The following PRKG1 variants were observed in gnomAD, a reference collection of about 807,000 sequenced individuals.
PRKG1 encodes the protein protein kinase cGMP-dependent 1, also known as cGMP-dependent protein kinase 1.
In PRKG1, 35 loss-of-function variants were observed where a neutral mutation model predicts 88.1. The ratio of observed to expected loss-of-function variants is 0.40; its 90% confidence interval spans 0.30 to 0.53. The LOEUF is 0.53. Ranked by LOEUF, PRKG1 falls within the 20% of genes least tolerant of loss-of-function variation. The probability of loss-of-function intolerance (pLI) is 0.59; values close to 1 mark genes in which losing one functional copy is unlikely to be tolerated. For synonymous variants in PRKG1, 303 were observed against 292.5 expected (o/e 1.04, Z -0.37); for missense variants, 540 against 839.8 (o/e 0.64, Z 4.41).
intron 1 of PRKG1, among the ~76,000 whole-genome samples, chr10:51,099,407 A>ACACACACACACT (rs1231741967): frequency 6.6e-5 from 10 of 151,892 alleles, no homozygotes; most frequent in Admixed American, 1.3e-4. Context: ...ACACACACAC[A>ACACACACACACT]CACACTCACT....
intron 3 of PRKG1, among the ~76,000 whole-genome samples, chr10:51,719,861 A>G (rs937716930): frequency 1.3e-5 from 2 of 152,204 alleles, no homozygotes; most frequent in African/African-American, 4.8e-5. Flanking sequence ...CTTCTCTGTG[A>G]TGATTAAACT....
At chr10:51,439,844 T>G (rs1564495747) in intron 2 of PRKG1, among the ~76,000 whole-genome samples, 1 of 151,908 alleles carries the variant, frequency 6.6e-6, no homozygotes, top group Non-Finnish European at 1.5e-5. Flanking sequence ...TGTCTAAGGA[T>G]GAGTTAGATG....
intron 16 of PRKG1, 61 bp downstream of exon 16, chr10:52,289,054 T>A: frequency 6.7e-7 from 1 of 1,487,142 alleles, no homozygotes; most frequent in Non-Finnish European, 9.2e-7. Context: ...GTGTTGCTTT[T>A]TAAGTTATTG....
intron 3 of PRKG1, 152 bp from the exon 4 acceptor site, chr10:51,804,433 G>T: frequency 1.7e-6 from 1 of 604,804 alleles, no homozygotes; most frequent in South Asian, 2.1e-5. Context: ...AATGAAATAG[G>T]ATAGCATTGT....
intron 5 of PRKG1, among the ~76,000 whole-genome samples, chr10:52,006,426 A>G (rs138658530): frequency 1.5e-3 from 229 of 152,344 alleles, no homozygotes; most frequent in Admixed American, 4.2e-3. Context: ...AATAGCCATT[A>G]TAAGAAAGAA....
intron 4 of PRKG1, among the ~76,000 whole-genome samples, chr10:51,879,581 C>A (rs1841386115): frequency 6.6e-6 from 1 of 152,196 alleles, no homozygotes; most frequent in African/African-American, 2.4e-5. Context: ...AAGTCTACAT[C>A]TCTCTCAGTG....
chr10:52,111,571 C>T (rs531457904), intron 7 of PRKG1, among the ~76,000 whole-genome samples: 9 of 152,234 alleles, frequency 5.9e-5, no homozygotes, highest in African/African-American at 2.2e-4. Flanking sequence ...TAGATTATGA[C>T]GTATGATCTG....
chr10:51,981,481 G>A, intron 5 of PRKG1, among the ~76,000 whole-genome samples: 1 of 152,076 alleles, frequency 6.6e-6, no homozygotes, highest in Non-Finnish European at 1.5e-5. Context: ...AGCTACTCAG[G>A]AGACTGAAGC....
At chr10:51,374,093 A>AAAATATAT in intron 2 of PRKG1, among the ~76,000 whole-genome samples, 7 of 100,186 alleles carry the variant, frequency 7.0e-5, no homozygotes, top group African/African-American at 1.3e-4. Context: ...AAAAAAAAAA[A>AAAATATAT]ATATATATAT....
At chr10:51,959,852 A>G (rs1843402890) in intron 5 of PRKG1, among the ~76,000 whole-genome samples, 1 of 152,166 alleles carries the variant, frequency 6.6e-6, no homozygotes, top group Admixed American at 6.6e-5. Context: ...TGTGTTCTCT[A>G]AATTCATTTC....
At chr10:51,659,579 G>C (rs1296530874) in intron 3 of PRKG1, among the ~76,000 whole-genome samples, 3 of 152,106 alleles carry the variant, frequency 2.0e-5, no homozygotes, top group African/African-American at 7.2e-5. Context: ...GGAAATTTAG[G>C]AGTATGAGTA....
At chr10:52,140,222 G>A (rs137867870) in intron 8 of PRKG1, among the ~76,000 whole-genome samples, 108 of 152,274 alleles carry the variant, frequency 7.1e-4, no homozygotes, top group African/African-American at 2.2e-3. Context: ...AGGGCTATCC[G>A]TAGTTGTCCT....
rs191931416 is a variant in PRKG1, at chr10:51,991,005, C to A, written c.763-63479C>A. On this transcript the variant is annotated intron_variant, in intron 5 of 17. Transcript: ENST00000373980. ...TTAATTCCATGTCTTTGCTACTTTTCGATTTCTTTCCTCAATATTTAACAC... is the reference window on the plus strand; with the variant it reads ...TTAATTCCATGTCTTTGCTACTTTTAGATTTCTTTCCTCAATATTTAACAC... 9.2e-5 allele frequency among the ~76,000 whole-genome samples: 14 copies of A among 152,120 alleles called. No homozygotes were observed. The East Asian group carries it at 2.5e-3, about 27-fold the overall frequency.
At chr10:52,057,202 CTTAT>C (rs1280184453) in intron 6 of PRKG1, among the ~76,000 whole-genome samples, 1 of 152,192 alleles carries the variant, frequency 6.6e-6, no homozygotes, top group Non-Finnish European at 1.5e-5. Context: ...TTCAGTTCCA[CTTAT>C]TTAAGTGTAA....
intron 2 of PRKG1, among the ~76,000 whole-genome samples, chr10:51,176,307 C>A (rs2132017246): frequency 6.6e-6 from 1 of 152,142 alleles, no homozygotes; most frequent in East Asian, 1.9e-4. Context: ...AGGTTTCAAA[C>A]CCTGTTCTCT....
intron 5 of PRKG1, among the ~76,000 whole-genome samples, chr10:51,963,929 A>G (rs988988908): frequency 6.6e-6 from 1 of 152,150 alleles, no homozygotes; most frequent in African/African-American, 2.4e-5. Context: ...TAACAACATA[A>G]ATGTATTATT....
At chr10:52,207,249 A>T (rs1729565) in intron 9 of PRKG1, among the ~76,000 whole-genome samples, 151,398 of 151,948 alleles carry the variant, frequency 1, 75,426 homozygotes, top group East Asian at 1. Context: ...GAGCGGGAGG[A>T]TGCTGTGTGG....
intron 8 of PRKG1, among the ~76,000 whole-genome samples, chr10:52,150,600 T>C (rs556321450): frequency 2.0e-5 from 3 of 152,298 alleles, no homozygotes; most frequent in East Asian, 3.9e-4. Flanking sequence ...TTGGGAAAAG[T>C]ATGTATTTCC....
intron 3 of PRKG1, among the ~76,000 whole-genome samples, chr10:51,773,117 A>G (rs1838347460): frequency 6.6e-6 from 1 of 152,138 alleles, no homozygotes; most frequent in Non-Finnish European, 1.5e-5. Flanking sequence ...AGCTTGGCAT[A>G]GAAATAAACT....
Sources: allele counts gnomAD v4.1 joint callset (sites outside exome capture counted in the v4.1 genomes callset), GRCh38; gene constraint gnomAD v4.1.1; transcripts MANE v1.5; gene names NCBI Gene and HGNC (gene_info 2026-07-23, HGNC 2026-07-21).